Variants in VAV3 observed in about 807,000 individuals in gnomAD.
VAV3 encodes vav guanine nucleotide exchange factor 3.
A neutral mutation model predicts 131.2 loss-of-function variants in VAV3; 94 were observed. The ratio of observed to expected loss-of-function variants is 0.72; its 90% CI spans 0.61 to 0.85. VAV3 has a LOEUF of 0.85. Among genes scored for constraint, VAV3 ranks in the 40% least tolerant of loss-of-function variants. VAV3 has a pLI of 0.00. For synonymous variants in VAV3, 349 were observed against 342.0 expected (o/e 1.02, Z -0.22); for missense variants, 939 against 1,002.7 (o/e 0.94, Z 0.86).
intron 15 of VAV3, among the ~76,000 whole-genome samples, chr1:107,722,416 T>C (rs916213905): frequency 2.6e-5 from 4 of 152,158 alleles, no homozygotes; most frequent in African/African-American, 7.2e-5. Context: ...CAAAAAAGCA[T>C]ACAGAAAGTA....
At chr1:107,764,723 C>A (rs1664641213) in intron 9 of VAV3, among the ~76,000 whole-genome samples, 1 of 152,160 alleles carries the variant, frequency 6.6e-6, no homozygotes, top group Non-Finnish European at 1.5e-5. Context: ...TATACATTAT[C>A]TAACGTATCT....
intron 2 of VAV3, among the ~76,000 whole-genome samples, chr1:107,828,311 C>A (rs1245783980): frequency 6.6e-6 from 1 of 152,154 alleles, no homozygotes; most frequent in Non-Finnish European, 1.5e-5. Flanking sequence ...TGAAAAAAGA[C>A]CTAGGCTGTA....
intron 20 of VAV3, among the ~76,000 whole-genome samples, chr1:107,628,462 G>C (rs1654205903): frequency 6.6e-6 from 1 of 152,118 alleles, no homozygotes; most frequent in East Asian, 1.9e-4. Context: ...CAAGTCAAGA[G>C]CCCACCAGCC....
intron 25 of VAV3, among the ~76,000 whole-genome samples, chr1:107,593,580 G>T (rs1570576468): frequency 6.6e-6 from 1 of 152,048 alleles, no homozygotes; most frequent in African/African-American, 2.4e-5. Flanking sequence ...TTAGATGATA[G>T]CAGCATACCT....
chr1:107,591,733 C>A (rs933834348), intron 25 of VAV3, among the ~76,000 whole-genome samples: 1 of 152,120 alleles, frequency 6.6e-6, no homozygotes, highest in Admixed American at 6.6e-5. Flanking sequence ...TCAGACTCCC[C>A]AAATGTTAAC....
chr1:107,902,229 A>G (rs1353264574), intron 1 of VAV3, among the ~76,000 whole-genome samples: 2 of 152,226 alleles, frequency 1.3e-5, no homozygotes, highest in East Asian at 3.8e-4. Context: ...GGGTCTCTAC[A>G]GACTTTGCCT....
chr1:107,748,854 C>G, intron 15 of VAV3, 114 bp downstream of exon 15: 1 of 810,396 alleles, frequency 1.2e-6, no homozygotes, highest in Non-Finnish European at 1.9e-6. Context: ...ACATTCCCGT[C>G]GCTGTACACA....
chr1:107,773,587 G>A (rs758373933), intron 4 of VAV3, among the ~76,000 whole-genome samples: 5 of 152,174 alleles, frequency 3.3e-5, no homozygotes, highest in Admixed American at 1.3e-4. Flanking sequence ...AACAGACAGA[G>A]ATAGGAGACT....
intron 12 of VAV3, among the ~76,000 whole-genome samples, chr1:107,753,120 A>G (rs1308435213): frequency 2.0e-5 from 3 of 152,166 alleles, no homozygotes; most frequent in African/African-American, 4.8e-5. Flanking sequence ...CTTTAAACAA[A>G]TGGAAATCAA....
At chr1:107,668,830 T>G in intron 19 of VAV3, 1 of 985,680 alleles carries the variant, frequency 1.0e-6, no homozygotes, top group African/African-American at 1.7e-5. Flanking sequence ...CAGTTTTGAT[T>G]GTCACATGTT....
chr1:107,785,435 AT>A, intron 2 of VAV3: 1 of 1,332,264 alleles, frequency 7.5e-7, no homozygotes, highest in South Asian at 1.2e-5. Context: ...TTCAAAAGGA[AT>A]TCCGAGGGAA....
At chr1:107,785,714 A>G in intron 2 of VAV3, 1 of 1,001,216 alleles carries the variant, frequency 1.0e-6, no homozygotes, top group South Asian at 2.8e-5. Context: ...TGCTGGGTGG[A>G]GAAATTCAGA....
At chr1:107,657,645 A>T (rs1048832665) in intron 19 of VAV3, among the ~76,000 whole-genome samples, 1 of 152,220 alleles carries the variant, frequency 6.6e-6, no homozygotes, top group Admixed American at 6.5e-5. Flanking sequence ...CACAGAGGTC[A>T]ACTGAAGTTC....
chr1:107,906,353 C>T (rs996820678), intron 1 of VAV3, among the ~76,000 whole-genome samples: 2 of 152,168 alleles, frequency 1.3e-5, no homozygotes, highest in Admixed American at 6.5e-5. Context: ...AGCTTCACAA[C>T]TGGGAAGTCT....
At chr1:107,938,344 G>C (rs1459305362) in intron 1 of VAV3, among the ~76,000 whole-genome samples, 1 of 152,210 alleles carries the variant, frequency 6.6e-6, no homozygotes, top group African/African-American at 2.4e-5. Context: ...ATGGGACCAA[G>C]AAGGCGAGAG....
At chr1:107,645,391 T>C (rs528882863) in intron 19 of VAV3, among the ~76,000 whole-genome samples, 2 of 152,084 alleles carry the variant, frequency 1.3e-5, no homozygotes, top group African/African-American at 4.8e-5. Flanking sequence ...GCACTTCCAA[T>C]TTCAGCATGA....
At chr1:107,779,107 TTTAC>T (rs1392870131) in intron 3 of VAV3, among the ~76,000 whole-genome samples, 2 of 152,006 alleles carry the variant, frequency 1.3e-5, no homozygotes, top group Admixed American at 6.6e-5. Context: ...TAAATATTTA[TTTAC>T]TTAAGCATTT....
chr1:107,829,861 A>G (rs987328330), intron 2 of VAV3, among the ~76,000 whole-genome samples: 6 of 152,126 alleles, frequency 3.9e-5, no homozygotes, highest in Admixed American at 6.6e-5. Flanking sequence ...ACAAACAAGG[A>G]GCCTTTCATA....
chr1:107,728,622 T>TATGTAC lies in VAV3; in HGVS notation c.1502+20345_1502+20346insGTACAT, dbSNP rs1220113685. On this transcript the variant is annotated intron_variant, in intron 15 of 26. Coordinates refer to ENST00000370056, the MANE Select transcript of VAV3 (RefSeq NM_006113.5). ...ATACGTATATGTATATGTATATGTA[T>TATGTAC]ATGTATATGTATATGTATATGTATA... 6.8e-3 allele frequency among the ~76,000 whole-genome samples: 702 copies of TATGTAC among 103,762 alleles called. 10 individuals are homozygous for TATGTAC. The highest frequency in any genetic ancestry group is 0.02 in the African/African-American group (659 of 32,264). 68.1% of individuals were successfully genotyped at this position (103,762 alleles called of 152,430 possible).
Sources: allele counts gnomAD v4.1 joint callset (sites outside exome capture counted in the v4.1 genomes callset), GRCh38; gene constraint gnomAD v4.1.1; transcripts MANE v1.5; gene names NCBI Gene and HGNC (gene_info 2026-07-23, HGNC 2026-07-21).